MPZL3: variants seen among roughly 807,000 people sequenced by gnomAD.
The protein encoded by MPZL3 is myelin protein zero like 3, also known as myelin protein zero-like protein 3.
MPZL3 carries 23 observed loss-of-function variants against 24.8 expected under a neutral mutation model. That is an observed-to-expected ratio of 0.93 (90% CI 0.67 to 1.31). The LOEUF is 1.31. Among genes scored for constraint, MPZL3 ranks in the 40% most tolerant of loss-of-function variants. MPZL3 has a pLI of 0.00. For missense variants in MPZL3, 277 were observed against 294.9 expected, an observed-to-expected ratio of 0.94 and a Z score of 0.44; for synonymous variants, 99 against 106.5, an observed-to-expected ratio of 0.93 and a Z score of 0.44.
At position 118,235,645 on chromosome 11, in the gene MPZL3, G is replaced by A. The variant is rs563323630; in HGVS notation, c.452-56C>T. The A allele has an allele frequency of 1.4e-5, 22 of 1,555,582 alleles. No homozygotes were observed. The East Asian group carries it at 2.0e-4, about 14-fold the overall frequency. On this transcript the variant is annotated intron_variant, in intron 3 of 5. Coordinates refer to ENST00000278949, the MANE Select transcript of MPZL3 (RefSeq NM_198275.3). The stretch of plus-strand genomic sequence containing the variant: ...AGGGACATGCAAATATGCCTCCTGC[G>A]ACATGAGCAACTAGGTTCTACTTTT...
rs971789141 is a variant in MPZL3, at chr11:118,228,977, A to G, written c.*917T>C. On this transcript the variant is annotated 3_prime_UTR_variant, in exon 6 of 6. Transcript: ENST00000278949. The stretch of plus-strand genomic sequence containing the variant: ...CCCCGTCTCTACTAAAAACACAAAA[A>G]TTAGCTGGGTGTGGTGGCGCATGCC... 3.9e-5 allele frequency: 6 copies of G among 152,140 alleles called. No homozygotes were observed. The highest frequency in any genetic ancestry group is 1.4e-4 in the African/African-American group (6 of 41,402). The allele number at this position is 152,140 out of a possible 1,614,324, so 9.4% of individuals were successfully genotyped here.
chr11:118,238,131 C>G (rs796465283), intron 2 of MPZL3, among the ~76,000 whole-genome samples: 1 of 103,898 alleles, frequency 9.6e-6, no homozygotes, highest in African/African-American at 3.3e-5. Context: ...AGCTAGACTC[C>G]GCCTCAAAAA....
intron 1 of MPZL3, among the ~76,000 whole-genome samples, chr11:118,245,615 C>A (rs1949549133): frequency 6.6e-6 from 1 of 152,062 alleles, no homozygotes; most frequent in Non-Finnish European, 1.5e-5. Flanking sequence ...GGGATAATGT[C>A]AAGGGAGCAG....
At chr11:118,240,737 ACACACAC>A (rs1949485639) in intron 1 of MPZL3, among the ~76,000 whole-genome samples, 1 of 32,732 alleles carries the variant, frequency 3.1e-5, no homozygotes, top group Non-Finnish European at 7.7e-5. Flanking sequence ...CCGCAGACAC[ACACACAC>A]ACACACACAC....
At chr11:118,246,659 A>ATT (rs1949560698) in intron 1 of MPZL3, among the ~76,000 whole-genome samples, 1 of 139,644 alleles carries the variant, frequency 7.2e-6, no homozygotes, top group African/African-American at 2.8e-5. Context: ...ATCTCAGTTC[A>ATT]TTGCAACCTC....
intron 1 of MPZL3, among the ~76,000 whole-genome samples, chr11:118,248,070 C>CTT (rs60335848): frequency 0.036 from 3,518 of 98,842 alleles, 96 homozygotes; most frequent in Non-Finnish European, 0.044. Context: ...ACAGTTTCCT[C>CTT]TTTTTTTTTT....
chr11:118,239,711 CA>C (rs1949469490), intron 2 of MPZL3, among the ~76,000 whole-genome samples: 1 of 152,140 alleles, frequency 6.6e-6, no homozygotes. Context: ...CAAAGGCAGC[CA>C]TATAAATCAA....
intron 1 of MPZL3, among the ~76,000 whole-genome samples, chr11:118,240,705 A>T (rs769482061): frequency 6.7e-6 from 1 of 148,892 alleles, no homozygotes; most frequent in African/African-American, 2.5e-5. Context: ...AAAAGGCAAC[A>T]TCACCCATCC....
chr11:118,229,800 G>A lies in MPZL3; in HGVS notation c.*94C>T. On this transcript the variant is annotated 3_prime_UTR_variant, in exon 6 of 6. Transcript: ENST00000278949. ...CAGGATTGTCCATCGCTATGGTCCA[G>A]GCCAGCTCCACTTTCTCTGACAGGC... is the stretch of plus-strand genomic sequence containing the variant. 7.7e-7 allele frequency: 1 copy of A among 1,291,858 alleles called. No homozygotes were observed. The highest frequency in any genetic ancestry group is 1.1e-6 in the Non-Finnish European group (1 of 893,714). The allele number at this position is 1,291,858 out of a possible 1,614,324, so 80.0% of individuals were successfully genotyped here.
At chr11:118,234,125 A>C (rs982002584) in intron 4 of MPZL3, among the ~76,000 whole-genome samples, 2 of 152,242 alleles carry the variant, frequency 1.3e-5, no homozygotes, top group African/African-American at 4.8e-5. Context: ...AATGCTCAAT[A>C]AATTATCCCT....
Position 118,240,277 on chromosome 11 carries a change from T to C in MPZL3, c.174A>G (p.Ser58=). Residue 58 remains serine (S), a synonymous_variant, in exon 2 of 6, where the codon TCA becomes TCG. Coordinates refer to ENST00000278949, the MANE Select transcript of MPZL3 (RefSeq NM_198275.3). Reference sequence around the variant, plus strand: ...CTATAGTAAGTTTGTCAGTGACATCTGAAGTTGACTTGAAAGTGCATTTCA... The same window carrying C: ...CTATAGTAAGTTTGTCAGTGACATCCGAAGTTGACTTGAAAGTGCATTTCA... The part of the protein sequence containing the change: ...IKLKCTFKST[S]DVTDKLTIDW... 6.2e-7 allele frequency: 1 copy of C among 1,606,842 alleles called. No homozygotes were observed. The highest frequency in any genetic ancestry group is 8.5e-7 in the Non-Finnish European group (1 of 1,177,590).
chr11:118,250,087 G>A (rs61900655), intron 1 of MPZL3, among the ~76,000 whole-genome samples: 6 of 151,042 alleles, frequency 4.0e-5, no homozygotes, highest in African/African-American at 1.2e-4. Context: ...CTGCAACTCC[G>A]ACCTCCCAGG....
Position 118,229,648 on chromosome 11 carries a change from A to C in MPZL3, c.*246T>G. The C allele has an allele frequency of 5.1e-6, 2 of 393,246 alleles. No homozygotes were observed. Among genetic ancestry groups the C allele is most frequent in the Non-Finnish European group, 9.1e-6 (2 of 220,422 alleles). 24.4% of individuals were successfully genotyped at this position (393,246 alleles called of 1,614,324 possible). A position where few individuals can be genotyped will look rare whatever the true frequency, so the allele number is the denominator to read the frequency against. On this transcript the variant is annotated 3_prime_UTR_variant, in exon 6 of 6. Coordinates refer to ENST00000278949, the MANE Select transcript of MPZL3 (RefSeq NM_198275.3). ...CTCAGGAAAAGAATTTCTTCATTCA[A>C]TTACAGCATAATTCATTGAAAGGGG...
chr11:118,237,372 G>A (rs1219685501), intron 2 of MPZL3, 112 bp from the exon 3 acceptor site: 8 of 935,144 alleles, frequency 8.6e-6, no homozygotes, highest in Non-Finnish European at 9.8e-6. Context: ...TTTTTTTTCA[G>A]TTGGGCAACT....
At chr11:118,235,372 A>T (rs1483248233) in intron 4 of MPZL3, 52 bp downstream of exon 4, 1 of 1,591,738 alleles carries the variant, frequency 6.3e-7, no homozygotes, top group African/African-American at 1.3e-5. Context: ...GGGTCTGGGT[A>T]GAGCGCTAAG....
intron 3 of MPZL3, among the ~76,000 whole-genome samples, chr11:118,235,827 G>A (rs933269030): frequency 3.9e-5 from 6 of 152,128 alleles, no homozygotes; most frequent in Non-Finnish European, 7.4e-5. Flanking sequence ...TAGGGGTATC[G>A]GGTATGGGGT....
rs574292743 is a variant in MPZL3 at position 118,240,255 on chromosome 11, T to C, written c.196A>G (p.Ile66Val). The stretch of plus-strand genomic sequence containing the variant: ...CTGGGAGGGCGATATGTCCAGTCTA[T>C]AGTAAGTTTGTCAGTGACATCTGAA... ...STSDVTDKLT[I>V]DWTYRPPSSS... The change falls in exon 2 of 6, where the codon ATA becomes GTA. Residue 66 changes from isoleucine to valine, a missense_variant. Transcript: ENST00000278949. The C allele has an allele frequency of 1.0e-5, 16 of 1,603,124 alleles. No homozygotes were observed. In the Admixed American group the frequency reaches 1.2e-4, roughly 12 times the overall value.
At position 118,236,923 on chromosome 11, in the gene MPZL3, C is replaced by T. The variant is rs557041887; in HGVS notation, c.451+127G>A. The T allele has an allele frequency of 4.2e-6, 3 of 720,720 alleles. No homozygotes were observed. In the South Asian group the frequency reaches 6.7e-5, roughly 16 times the overall value. 44.6% of individuals were successfully genotyped at this position (720,720 alleles called of 1,614,324 possible). ...TATTGGGATGGCAGAAAAATTACTT[C>T]GATTCAATGATTTAATGACCCAACT... On this transcript the variant is annotated intron_variant, in intron 3 of 5. Coordinates refer to ENST00000278949, the MANE Select transcript of MPZL3 (RefSeq NM_198275.3).
At chr11:118,252,194 G>A (rs1481832228) in intron 1 of MPZL3, 28 bp downstream of exon 1, 1 of 1,612,102 alleles carries the variant, frequency 6.2e-7, no homozygotes, top group East Asian at 2.2e-5. Context: ...CCGGCCGGAA[G>A]TGGAGCGTAG....
Sources: allele counts gnomAD v4.1 joint callset (sites outside exome capture counted in the v4.1 genomes callset), GRCh38; gene constraint gnomAD v4.1.1; transcripts MANE v1.5; gene names NCBI Gene and HGNC (gene_info 2026-07-23, HGNC 2026-07-21).